The following PKD2 variants were observed in gnomAD, a reference collection of about 807,000 sequenced individuals.
PKD2 encodes the protein polycystin 2, transient receptor potential cation channel.
In PKD2, 48 loss-of-function variants were observed where a neutral mutation model predicts 105.9. The ratio of observed to expected loss-of-function variants is 0.45; its 90% CI spans 0.36 to 0.58. The LOEUF is 0.58. Ranked by LOEUF, PKD2 falls within the 20% of genes least tolerant of loss-of-function variation. The probability of loss-of-function intolerance (pLI) is 0.00; values close to 1 mark genes in which losing one functional copy is unlikely to be tolerated. For synonymous variants in PKD2, 464 were observed against 481.1 expected (o/e 0.96, Z 0.46); for missense variants, 1,078 against 1,255.3 (o/e 0.86, Z 2.13).
At chr4:88,073,113 G>A (rs1199515733) in intron 13 of PKD2, among the ~76,000 whole-genome samples, 1 of 150,560 alleles carries the variant, frequency 6.6e-6, no homozygotes, top group Non-Finnish European at 1.5e-5. Context: ...CACTATGGGA[G>A]GCCAAGGCAG....
intron 9 of PKD2, among the ~76,000 whole-genome samples, chr4:88,061,466 A>C (rs1291503318): frequency 2.0e-5 from 3 of 152,166 alleles, no homozygotes; most frequent in Admixed American, 1.3e-4. Flanking sequence ...GGCTGGGCAC[A>C]GTGGCTCACG....
intron 7 of PKD2, among the ~76,000 whole-genome samples, chr4:88,055,456 C>A (rs1371895472): frequency 1.3e-5 from 2 of 152,104 alleles, no homozygotes; most frequent in South Asian, 2.1e-4. Context: ...CCCACCTCAG[C>A]CTCCTGAGTA....
At chr4:88,011,344 A>G (rs1160721313) in intron 1 of PKD2, among the ~76,000 whole-genome samples, 1 of 144,594 alleles carries the variant, frequency 6.9e-6, no homozygotes, top group Non-Finnish European at 1.5e-5. Context: ...TTTTTTTCCT[A>G]GAGAAACTAT....
At chr4:88,040,652 A>G (rs1328224477) in intron 4 of PKD2, among the ~76,000 whole-genome samples, 1 of 152,168 alleles carries the variant, frequency 6.6e-6, no homozygotes, top group East Asian at 1.9e-4. Flanking sequence ...AGGGACCTCT[A>G]GTTAGCAAAT....
chr4:88,062,609 A>G (rs910481875), intron 10 of PKD2, among the ~76,000 whole-genome samples: 10 of 152,212 alleles, frequency 6.6e-5, no homozygotes, highest in African/African-American at 1.9e-4. Context: ...GTTCTTCTCA[A>G]TGTAACTTCT....
chr4:88,034,392 G>A (rs112008879), intron 2 of PKD2, among the ~76,000 whole-genome samples: 4 of 151,960 alleles, frequency 2.6e-5, no homozygotes, highest in Non-Finnish European at 4.4e-5. Flanking sequence ...AGAGGGGCCA[G>A]GTGTGGTGGT....
At chr4:88,019,610 G>A in intron 2 of PKD2, 39 bp downstream of exon 2, 6 of 1,104,778 alleles carry the variant, frequency 5.4e-6, no homozygotes, top group Non-Finnish European at 8.4e-6. Context: ...GGAAAGTTTT[G>A]AAAAGATTTG....
chr4:88,063,827 T>C (rs904000797), intron 10 of PKD2, among the ~76,000 whole-genome samples: 3 of 152,144 alleles, frequency 2.0e-5, no homozygotes, highest in African/African-American at 7.2e-5. Context: ...GGAAGTCTTA[T>C]TAGAGATATT....
At chr4:88,022,864 G>A (rs1726802089) in intron 2 of PKD2, among the ~76,000 whole-genome samples, 1 of 152,090 alleles carries the variant, frequency 6.6e-6, no homozygotes, top group Admixed American at 6.5e-5. Context: ...AGGTGTAATG[G>A]TGAGCCAAGA....
intron 2 of PKD2, among the ~76,000 whole-genome samples, chr4:88,030,049 C>T (rs953368790): frequency 6.6e-6 from 1 of 152,148 alleles, no homozygotes; most frequent in Admixed American, 6.5e-5. Flanking sequence ...AAATATGAAC[C>T]ACAGATTAGA....
At chr4:88,034,840 A>C (rs1727277655) in intron 2 of PKD2, among the ~76,000 whole-genome samples, 1 of 152,190 alleles carries the variant, frequency 6.6e-6, no homozygotes, top group South Asian at 2.1e-4. Context: ...TGGTTTAAAA[A>C]ATGTATAGAA....
chr4:88,036,191 G>A lies in PKD2; in HGVS notation c.710-29G>A, dbSNP rs72873478. The A allele has an allele frequency of 1.9e-3, 3,000 of 1,613,656 alleles. 59 individuals carry two copies. In the African/African-American group the frequency reaches 0.036, roughly 19 times the overall value. ...GTGAATGTGTGCCGGTTCCCTTGGG[G>A]CGTTCATTTGGATCTTTCTGTGTTC... On this transcript the variant is annotated intron_variant, in intron 2 of 14. Coordinates refer to ENST00000237596, the MANE Select transcript of PKD2 (RefSeq NM_000297.4).
chr4:88,063,045 C>T (rs889122152), intron 10 of PKD2, among the ~76,000 whole-genome samples: 2 of 152,216 alleles, frequency 1.3e-5, no homozygotes, highest in African/African-American at 4.8e-5. Flanking sequence ...ACAAACTCCA[C>T]TGCTAGCTCT....
At chr4:88,066,369 T>C (rs574386386) in intron 12 of PKD2, among the ~76,000 whole-genome samples, 1,556 of 128,676 alleles carry the variant, frequency 0.012, 14 homozygotes, top group Middle Eastern at 0.033. Flanking sequence ...TTTTCTTTTT[T>C]TTTTTTTTTT....
intron 14 of PKD2, among the ~76,000 whole-genome samples, 200 bp downstream of exon 14, chr4:88,075,159 T>TG (rs1278490439): frequency 6.6e-6 from 1 of 152,250 alleles, no homozygotes; most frequent in African/African-American, 2.4e-5. Context: ...TAAAATCTCT[T>TG]GCTATAAAAC....
rs12643253 is a variant in PKD2 at position 88,010,151 on chromosome 4, G to A, written c.595+1823G>A. ...ACTCTGTCACTGAGGCTGGAGTGCG[G>A]GGAAGCAAACGTAGCTCACTGCGGC... On this transcript the variant is annotated intron_variant, in intron 1 of 14. Transcript: ENST00000237596. Among the ~76,000 whole-genome samples the A allele has an allele frequency of 5.9e-3, 898 of 151,804 alleles. 30 individuals carry two copies. The East Asian group carries it at 0.11, about 18-fold the overall frequency.
At chr4:88,011,409 C>T (rs537856311) in intron 1 of PKD2, among the ~76,000 whole-genome samples, 20 of 151,772 alleles carry the variant, frequency 1.3e-4, no homozygotes, top group South Asian at 2.1e-4. Context: ...AGATACCTCC[C>T]TCCCCTTCAA....
intron 13 of PKD2, among the ~76,000 whole-genome samples, chr4:88,069,749 C>T (rs1720943773): frequency 6.6e-6 from 1 of 151,902 alleles, no homozygotes; most frequent in South Asian, 2.1e-4. Flanking sequence ...TGTATATTAA[C>T]CTACTTTTTT....
chr4:88,023,399 C>T (rs1726835591), intron 2 of PKD2, among the ~76,000 whole-genome samples: 1 of 152,186 alleles, frequency 6.6e-6, no homozygotes, highest in Admixed American at 6.5e-5. Flanking sequence ...GTACTAAATT[C>T]CTGAGAAATC....
Sources: gnomAD v4.1 joint callset for allele counts (sites outside exome capture counted in the v4.1 genomes callset) on GRCh38, gnomAD v4.1.1 for gene constraint, MANE v1.5 for transcripts, NCBI Gene and HGNC (gene_info 2026-07-23, HGNC 2026-07-21) for gene names.